ZCCHC4: variants seen among roughly 807,000 people sequenced by gnomAD.
ZCCHC4 encodes the protein zinc finger CCHC-type containing 4.
A neutral mutation model predicts 67.7 loss-of-function variants in ZCCHC4; 54 were observed. The ratio of observed to expected loss-of-function variants is 0.80; its 90% CI spans 0.64 to 1.00. The LOEUF is 1.00. Among genes scored for constraint, ZCCHC4 ranks in the 50% least tolerant of loss-of-function variants. ZCCHC4 has a pLI of 0.00. For missense variants in ZCCHC4, 609 were observed against 617.0 expected (o/e 0.99, Z 0.14); for synonymous variants, 198 against 213.5 (o/e 0.93, Z 0.63).
rs1405057579 is a variant in ZCCHC4, at chr4:25,362,292, C to G, written c.1200C>G (p.Cys400Trp). 1 of 1,599,218 alleles carries G rather than the reference C, an allele frequency of 6.3e-7. No individual in the cohort carries two copies. Among genetic ancestry groups the G allele is most frequent in the Non-Finnish European group, 8.5e-7 (1 of 1,170,614 alleles). Residue 400 changes from cysteine (C) to tryptophan (W), a missense_variant, in exon 10 of 13, where the codon TGC (cysteine) becomes TGG (tryptophan). Cys to Trp is a radical substitution (Grantham distance 215, BLOSUM62 -2). Transcript: ENST00000302874. ...AACACTGTGAGCTCTGTAATTCTTGCACATCCAAGGTATGGTGTTCTTATA... is the reference window on the plus strand; with the variant it reads ...AACACTGTGAGCTCTGTAATTCTTGGACATCCAAGGTATGGTGTTCTTATA... ...ENQHCELCNS[C>W]TSKDGRKWNH...
rs540875577 is a variant in ZCCHC4, at chr4:25,335,257, G to C, written c.686+1269G>C. On this transcript the variant is annotated intron_variant, in intron 5 of 12. Transcript: ENST00000302874. Reference sequence around the variant, plus strand: ...AGGTCAGGAGTGCAAGACCAGCCTAGCCAACATGGTGAAACCCTGTCCCTA... The same window carrying C: ...AGGTCAGGAGTGCAAGACCAGCCTACCCAACATGGTGAAACCCTGTCCCTA... Among the ~76,000 whole-genome samples the C allele has an allele frequency of 6.6e-5, 10 of 152,272 alleles. No homozygotes were observed. The East Asian group carries it at 1.9e-3, about 29-fold the overall frequency.
chr4:25,346,664 A>C (rs1720036987), intron 6 of ZCCHC4, among the ~76,000 whole-genome samples: 1 of 152,186 alleles, frequency 6.6e-6, no homozygotes, highest in Non-Finnish European at 1.5e-5. Context: ...TCAATTTAGC[A>C]TTGGGATATA....
intron 8 of ZCCHC4, among the ~76,000 whole-genome samples, chr4:25,355,993 G>T (rs1720501483): frequency 6.6e-6 from 1 of 152,078 alleles, no homozygotes; most frequent in African/African-American, 2.4e-5. Flanking sequence ...TTTCTTTCCT[G>T]GCCTGATACC....
At chr4:25,333,543 T>A (rs1388929072) in intron 4 of ZCCHC4, 85 bp downstream of exon 4, 1 of 1,406,036 alleles carries the variant, frequency 7.1e-7, no homozygotes, top group East Asian at 2.3e-5. Context: ...ACTTACTCTG[T>A]GCAAGGTATA....
At chr4:25,321,210 C>T (rs1452962118) in intron 3 of ZCCHC4, among the ~76,000 whole-genome samples, 10 of 151,482 alleles carry the variant, frequency 6.6e-5, no homozygotes, top group Admixed American at 5.3e-4. Context: ...CTCTTGCTGC[C>T]GCTCTTTCTT....
chr4:25,366,739 G>A (rs1020601974), intron 12 of ZCCHC4, among the ~76,000 whole-genome samples: 7 of 152,326 alleles, frequency 4.6e-5, no homozygotes, highest in Middle Eastern at 3.4e-3. Context: ...AGTCAGTAAC[G>A]TGCTCAGCCT....
At chr4:25,349,127 G>A (rs1054778410) in intron 6 of ZCCHC4, among the ~76,000 whole-genome samples, 1 of 152,114 alleles carries the variant, frequency 6.6e-6, no homozygotes, top group Admixed American at 6.5e-5. Context: ...CCAGTGCTTA[G>A]CACCATCCTG....
chr4:25,349,816 A>G (rs1720203750), intron 7 of ZCCHC4, 174 bp downstream of exon 7: 9 of 644,776 alleles, frequency 1.4e-5, no homozygotes, highest in Non-Finnish European at 2.3e-5. Context: ...TATACTTTGT[A>G]TTATTCTAAT....
chr4:25,362,021 A>G, intron 9 of ZCCHC4, 41 bp downstream of exon 9: 1 of 1,587,276 alleles, frequency 6.3e-7, no homozygotes. Flanking sequence ...AAGTCACTGA[A>G]AATAAAGTTA....
intron 3 of ZCCHC4, among the ~76,000 whole-genome samples, chr4:25,317,993 G>A (rs1718361802): frequency 6.6e-6 from 1 of 152,102 alleles, no homozygotes; most frequent in Non-Finnish European, 1.5e-5. Context: ...GGAGAGAAAA[G>A]GTAAGGACTT....
At chr4:25,348,660 G>A (rs1236525383) in intron 6 of ZCCHC4, among the ~76,000 whole-genome samples, 1 of 152,124 alleles carries the variant, frequency 6.6e-6, no homozygotes, top group Non-Finnish European at 1.5e-5. Context: ...TAGGTTATGT[G>A]CAATACTACA....
intron 6 of ZCCHC4, among the ~76,000 whole-genome samples, chr4:25,346,563 G>C (rs922240859): frequency 5.3e-5 from 8 of 152,276 alleles, no homozygotes; most frequent in Admixed American, 5.2e-4. Flanking sequence ...AAAAGTCAGC[G>C]TTCAGGAAAT....
At chr4:25,361,125 G>C (rs556642056) in intron 8 of ZCCHC4, among the ~76,000 whole-genome samples, 423 of 152,366 alleles carry the variant, frequency 2.8e-3, no homozygotes, top group Middle Eastern at 6.8e-3. Flanking sequence ...CTCCAACCAA[G>C]TATGGGGACA....
chr4:25,327,488 TTTTC>T (rs1264787906), intron 3 of ZCCHC4, among the ~76,000 whole-genome samples: 3 of 150,466 alleles, frequency 2.0e-5, no homozygotes, highest in African/African-American at 4.9e-5. Context: ...CCTTCCTTTC[TTTTC>T]TTTCTTTTTC....
chr4:25,356,389 C>G (rs886451408), intron 8 of ZCCHC4, among the ~76,000 whole-genome samples: 1 of 152,136 alleles, frequency 6.6e-6, no homozygotes, highest in African/African-American at 2.4e-5. Flanking sequence ...CATTAATTTA[C>G]TCTAGCAGCA....
chr4:25,327,543 G>A (rs769543275), intron 3 of ZCCHC4, among the ~76,000 whole-genome samples: 5 of 151,860 alleles, frequency 3.3e-5, no homozygotes, highest in Non-Finnish European at 7.4e-5. Context: ...GCAGTGGGAC[G>A]ATCATGGCTC....
chr4:25,328,532 G>C (rs182237501), intron 3 of ZCCHC4, among the ~76,000 whole-genome samples: 91 of 151,304 alleles, frequency 6.0e-4, no homozygotes, highest in African/African-American at 2.1e-3. Flanking sequence ...GAGCCACCTT[G>C]CCCAGTCCAC....
intron 6 of ZCCHC4, among the ~76,000 whole-genome samples, chr4:25,348,241 A>G (rs940758388): frequency 6.6e-6 from 1 of 152,208 alleles, no homozygotes; most frequent in African/African-American, 2.4e-5. Context: ...AAATTAATGA[A>G]GACTCTCCTA....
intron 8 of ZCCHC4, among the ~76,000 whole-genome samples, chr4:25,361,363 G>A (rs1720727568): frequency 6.6e-6 from 1 of 152,208 alleles, no homozygotes; most frequent in Non-Finnish European, 1.5e-5. Flanking sequence ...GAGTGTAAGA[G>A]AGATGGCTGC....
Sources: allele counts gnomAD v4.1 joint callset (sites outside exome capture counted in the v4.1 genomes callset), GRCh38; gene constraint gnomAD v4.1.1; transcripts MANE v1.5; gene names NCBI Gene and HGNC (gene_info 2026-07-23, HGNC 2026-07-21).